The following NRG1 variants were observed in gnomAD, a reference collection of about 807,000 sequenced individuals.
NRG1 encodes pro-neuregulin-1, membrane-bound isoform.
NRG1 carries 18 observed loss-of-function variants against 63.8 expected under a neutral mutation model. The observed-to-expected ratio is 0.28, with a 90% confidence interval of 0.19 to 0.42. NRG1 has a LOEUF of 0.42. NRG1 is among the 10% of genes least tolerant of loss of function. NRG1 has a pLI of 1.00. For synonymous variants in NRG1, 302 were observed against 301.3 expected (o/e 1.00, Z -0.02); for missense variants, 762 against 814.7 (o/e 0.94, Z 0.79).
At chr8:32,302,240 G>A (rs983480321) in intron 1 of NRG1, among the ~76,000 whole-genome samples, 2 of 152,154 alleles carry the variant, frequency 1.3e-5, no homozygotes, top group African/African-American at 2.4e-5. Flanking sequence ...CAGCTCACAA[G>A]GAAGAAGTGG....
rs188770069 is a variant in NRG1 at position 32,267,654 on chromosome 8, T to C, written c.38-328174T>C. On this transcript the variant is annotated intron_variant, in intron 1 of 10. Transcript: ENST00000519301. ...TGAATCCCTGTTGGACAGAATTACA[T>C]CAGGTACATGTGTTGTGATGTTTTC... Among the ~76,000 whole-genome samples the C allele has an allele frequency of 4.7e-4, 72 of 152,316 alleles. 1 individual carries two copies. The highest frequency in any genetic ancestry group is 4.2e-3 in the Admixed American group (64 of 15,298).
At chr8:32,115,748 T>A (rs537563226) in intron 1 of NRG1, among the ~76,000 whole-genome samples, 1 of 152,304 alleles carries the variant, frequency 6.6e-6, no homozygotes, top group South Asian at 2.1e-4. Context: ...AGGTGGATAC[T>A]ACTATTGTCC....
At chr8:31,812,499 T>C (rs1822985153) in intron 1 of NRG1, among the ~76,000 whole-genome samples, 1 of 151,922 alleles carries the variant, frequency 6.6e-6, no homozygotes, top group Non-Finnish European at 1.5e-5. Flanking sequence ...AATACCCAAT[T>C]AGGGGTTTTT....
chr8:32,714,442 T>G (rs1432609951), intron 5 of NRG1, among the ~76,000 whole-genome samples: 1 of 152,194 alleles, frequency 6.6e-6, no homozygotes, highest in South Asian at 2.1e-4. Flanking sequence ...CTGCTTAAAA[T>G]TATATTTGGA....
At chr8:31,886,603 A>C (rs920770049) in intron 1 of NRG1, among the ~76,000 whole-genome samples, 14 of 152,078 alleles carry the variant, frequency 9.2e-5, no homozygotes, top group Non-Finnish European at 1.8e-4. Context: ...GCCATAAATA[A>C]ATTAGTATCT....
At chr8:32,556,100 G>A (rs1013177794) in intron 1 of NRG1, among the ~76,000 whole-genome samples, 18 of 152,272 alleles carry the variant, frequency 1.2e-4, no homozygotes, top group African/African-American at 4.1e-4. Flanking sequence ...ATATGAAATT[G>A]TCAGTTTTGT....
intron 1 of NRG1, among the ~76,000 whole-genome samples, chr8:31,945,395 T>C (rs1802384942): frequency 6.6e-6 from 1 of 152,230 alleles, no homozygotes. Flanking sequence ...TCTTCTGTTA[T>C]AACAGGCTTC....
intron 1 of NRG1, among the ~76,000 whole-genome samples, chr8:32,204,514 C>G (rs1358173045): frequency 6.6e-6 from 1 of 152,162 alleles, no homozygotes; most frequent in Non-Finnish European, 1.5e-5. Context: ...TGCCACAGAA[C>G]AAATGACTTT....
At chr8:32,230,522 C>T (rs904946131) in intron 1 of NRG1, among the ~76,000 whole-genome samples, 1 of 152,032 alleles carries the variant, frequency 6.6e-6, no homozygotes, top group African/African-American at 2.4e-5. Flanking sequence ...GAAGTTAATC[C>T]TGAGGAAAGT....
Position 31,785,891 on chromosome 8 carries a change from G to A in NRG1, c.37+146460G>A, listed in dbSNP as rs929203532. ...AAGTTTCCTGCTTAGCTGGGACCTG[G>A]TCAGGCCACTTCACCTCCCATTTAA... On this transcript the variant is annotated intron_variant, in intron 1 of 10. Coordinates refer to the NRG1 transcript ENST00000519301. Among the ~76,000 whole-genome samples, 3 of 152,096 alleles carry A rather than the reference G, an allele frequency of 2.0e-5. No homozygotes were observed. In the South Asian group the frequency reaches 6.2e-4, roughly 32 times the overall value.
At chr8:32,177,456 T>A (rs1749646093) in intron 1 of NRG1, among the ~76,000 whole-genome samples, 1 of 152,088 alleles carries the variant, frequency 6.6e-6, no homozygotes, top group Non-Finnish European at 1.5e-5. Flanking sequence ...TGTGTACATG[T>A]ACCCTAAAAC....
At chr8:32,101,737 C>A (rs1013197899) in intron 1 of NRG1, among the ~76,000 whole-genome samples, 1 of 152,092 alleles carries the variant, frequency 6.6e-6, no homozygotes, top group Non-Finnish European at 1.5e-5. Flanking sequence ...TATAACAAAA[C>A]AAACTAAAAC....
intron 1 of NRG1, among the ~76,000 whole-genome samples, chr8:31,766,445 A>T (rs1179822664): frequency 1.3e-5 from 2 of 152,148 alleles, no homozygotes; most frequent in Non-Finnish European, 2.9e-5. Context: ...AAACAGAGAA[A>T]CCAAATGTTC....
chr8:31,639,622 C>T (rs1274167474), intron 1 of NRG1: 19 of 1,406,094 alleles, frequency 1.4e-5, no homozygotes, highest in Admixed American at 2.7e-5. Context: ...TCCACCTCCA[C>T]GTCCTCCTCC....
At chr8:31,676,007 G>A (rs1807656870) in intron 1 of NRG1, among the ~76,000 whole-genome samples, 1 of 152,074 alleles carries the variant, frequency 6.6e-6, no homozygotes, top group Non-Finnish European at 1.5e-5. Flanking sequence ...TAATCTATAA[G>A]CAGTCATTTA....
At chr8:31,748,716 G>C (rs753481367) in intron 1 of NRG1, among the ~76,000 whole-genome samples, 1 of 151,718 alleles carries the variant, frequency 6.6e-6, no homozygotes, top group Non-Finnish European at 1.5e-5. Flanking sequence ...TATATCTTTG[G>C]CATCTTTTCA....
chr8:32,637,170 A>C (rs1851495732), intron 5 of NRG1, among the ~76,000 whole-genome samples: 1 of 152,150 alleles, frequency 6.6e-6, no homozygotes, highest in Admixed American at 6.6e-5. Flanking sequence ...GCCCACTACC[A>C]AGATTTTACA....
Position 31,912,193 on chromosome 8 carries a change from C to T in NRG1, c.37+272762C>T, listed in dbSNP as rs937668. Among the ~76,000 whole-genome samples the T allele has an allele frequency of 1.6e-3, 249 of 152,242 alleles. 1 individual carries two copies. The highest frequency in any genetic ancestry group is 5.5e-3 in the African/African-American group (228 of 41,544). Reference sequence around the variant, plus strand: ...TGCAATCATGTATAGAAAAGCATTCCGCTAACTATAAAACATTGAATAAAA... The same window carrying T: ...TGCAATCATGTATAGAAAAGCATTCTGCTAACTATAAAACATTGAATAAAA... On this transcript the variant is annotated intron_variant, in intron 1 of 10. Transcript: ENST00000519301.
chr8:32,261,834 G>T (rs1464278624), intron 1 of NRG1, among the ~76,000 whole-genome samples: 2 of 152,164 alleles, frequency 1.3e-5, no homozygotes, highest in Non-Finnish European at 2.9e-5. Context: ...TGTTAAATGT[G>T]TTTTAATAGT....
Sources: allele counts gnomAD v4.1 joint callset (sites outside exome capture counted in the v4.1 genomes callset), GRCh38; gene constraint gnomAD v4.1.1; transcripts MANE v1.5; gene names NCBI Gene and HGNC (gene_info 2026-07-23, HGNC 2026-07-21).